Variants in XPC observed in about 807,000 individuals in gnomAD.
XPC encodes DNA repair protein complementing XP-C cells.
XPC carries 76 observed loss-of-function variants against 95.8 expected under a neutral mutation model. That is an observed-to-expected ratio of 0.79 (90% confidence interval 0.66 to 0.96). The LOEUF (loss-of-function observed/expected upper bound fraction) is 0.96, where lower values mean the gene tolerates loss of function less well. Among genes scored for constraint, XPC ranks in the 40% least tolerant of loss-of-function variants. The pLI is 0.00. For missense variants in XPC, 1,146 were observed against 1,179.8 expected (o/e 0.97, Z 0.42); for synonymous variants, 442 against 442.1 (o/e 1.00, Z 0.00).
At chr3:14,154,625 G>C (rs1695827791) in intron 10 of XPC, among the ~76,000 whole-genome samples, 1 of 152,144 alleles carries the variant, frequency 6.6e-6, no homozygotes, top group South Asian at 2.1e-4. Flanking sequence ...GAGAATGGTG[G>C]GTGCAGGGCT....
rs1695376375 is a variant in XPC at position 14,145,429 on chromosome 3, A to G, written c.*512T>C. 1.4e-6 allele frequency: 1 copy of G among 696,906 alleles called. No homozygotes were observed. The highest frequency in any genetic ancestry group is 2.6e-6 in the Non-Finnish European group (1 of 382,100). 43.2% of individuals were successfully genotyped at this position (696,906 alleles called of 1,614,324 possible). ...CCTACTGCAAAGAGGCAGTGAGGGC[A>G]GCATTAGTAAGCCTGACTCAGGGGA... On this transcript the variant is annotated 3_prime_UTR_variant, in exon 16 of 16. Transcript: ENST00000285021.
At chr3:14,165,966 G>A (rs1303130631) in intron 5 of XPC, 17 of 224,930 alleles carry the variant, frequency 7.6e-5, no homozygotes, top group Non-Finnish European at 1.0e-4. Flanking sequence ...GAGTGGAGCT[G>A]GAGAGACTGC....
chr3:14,148,313 C>T, intron 13 of XPC: 1 of 611,010 alleles, frequency 1.6e-6, no homozygotes, highest in South Asian at 2.2e-5. Flanking sequence ...GCTCACTAGC[C>T]TGTGAGTCCC....
chr3:14,173,182 G>C, intron 1 of XPC, 120 bp from the exon 2 acceptor site: 1 of 959,076 alleles, frequency 1.0e-6, no homozygotes, highest in South Asian at 2.4e-5. Context: ...TCCATCACTG[G>C]TTCACCATCC....
At chr3:14,173,212 G>A (rs1159013766) in intron 1 of XPC, 150 bp from the exon 2 acceptor site, 14 of 696,450 alleles carry the variant, frequency 2.0e-5, no homozygotes, top group African/African-American at 5.5e-5. Context: ...TCAGCAACCA[G>A]CTCTCAGCTT....
chr3:14,159,662 T>C (rs1696085812), intron 8 of XPC, 79 bp downstream of exon 8: 2 of 1,371,484 alleles, frequency 1.5e-6, no homozygotes, highest in Non-Finnish European at 2.0e-6. Context: ...TCTTAAAAAA[T>C]ATAATAATGA....
chr3:14,165,184 C>A (rs1696325878), intron 6 of XPC, among the ~76,000 whole-genome samples: 1 of 152,178 alleles, frequency 6.6e-6, no homozygotes, highest in South Asian at 2.1e-4. Flanking sequence ...CCCCAGAACA[C>A]CCCTTCCAGG....
chr3:14,147,798 G>C (rs1695501732), intron 14 of XPC, 110 bp downstream of exon 14: 1 of 967,670 alleles, frequency 1.0e-6, no homozygotes, highest in Non-Finnish European at 1.6e-6. Flanking sequence ...ATGTCAGAGA[G>C]GGCTGGGAAG....
chr3:14,178,233 G>A (rs574627196), intron 1 of XPC: 1 of 531,526 alleles, frequency 1.9e-6, no homozygotes, highest in Non-Finnish European at 3.2e-6. Context: ...CGGGAAAAAA[G>A]CTACGCAGGA....
intron 2 of XPC, 123 bp downstream of exon 2, chr3:14,172,744 G>A (rs1696660878): frequency 8.7e-7 from 1 of 1,153,986 alleles, no homozygotes; most frequent in East Asian, 2.6e-5. Context: ...GTTGTACCTA[G>A]AAGAATTTAA....
chr3:14,147,262 G>C lies in XPC; in HGVS notation c.2604+28C>G, dbSNP rs2733534. 718,338 of 1,588,642 alleles carry C rather than the reference G, an allele frequency of 0.45. 168,371 individuals are homozygous for C. The highest frequency in any genetic ancestry group is 0.48 in the Non-Finnish European group (562,594 of 1,167,102). ...TCTCCAAGAAACTGACCCTGAGCTT[G>C]TCTTCTCTGCAAAGAACCTGCACTG... On this transcript the variant is annotated intron_variant, in intron 15 of 15. Transcript: ENST00000285021.
At chr3:14,165,885 C>A (rs1696359628) in intron 5 of XPC, 1 of 314,574 alleles carries the variant, frequency 3.2e-6, no homozygotes, top group Admixed American at 4.2e-5. Flanking sequence ...GAGATACATA[C>A]TGAAAGATTT....
chr3:14,145,333 C>T lies in XPC; in HGVS notation c.*608G>A. 1.4e-6 allele frequency: 1 copy of T among 698,732 alleles called. No homozygotes were observed. The allele number at this position is 698,732 out of a possible 1,614,324, so 43.3% of individuals were successfully genotyped here. A position where few individuals can be genotyped will look rare whatever the true frequency, so the allele number is the denominator to read the frequency against. Reference sequence around the variant, plus strand: ...TTTCCTGATTTTAGCTTTTTTTAGGCTTCTGTCACCACAAAATGTTACTTG... The same window carrying T: ...TTTCCTGATTTTAGCTTTTTTTAGGTTTCTGTCACCACAAAATGTTACTTG... On this transcript the variant is annotated 3_prime_UTR_variant, in exon 16 of 16. Coordinates refer to ENST00000285021, the MANE Select transcript of XPC (RefSeq NM_004628.5).
chr3:14,164,904 T>A lies in XPC; in HGVS notation c.809A>T (p.Glu270Val). ...GTTATCTTGTTCACTGGCTGAAAGT[T>A]CTGCATTAACTGTAAATGTTCCAAT... ...WFIGTFTVNA[E>V]LSASEQDNLQ... Residue 270 changes from glutamate (E) to valine (V), a missense_variant, in exon 7 of 16, where the codon GAA (glutamate) becomes GTA (valine). Coordinates refer to ENST00000285021, the MANE Select transcript of XPC (RefSeq NM_004628.5). 1 of 1,612,828 alleles carries A rather than the reference T, an allele frequency of 6.2e-7. No homozygotes were observed. Among genetic ancestry groups the A allele is most frequent in the South Asian group, 1.1e-5 (1 of 90,800 alleles).
At chr3:14,156,195 A>G in intron 10 of XPC, 140 bp downstream of exon 10, 1 of 1,073,692 alleles carries the variant, frequency 9.3e-7, no homozygotes, top group Non-Finnish European at 1.3e-6. Flanking sequence ...CATCACACAC[A>G]CACAGCACAC....
rs751465946 is a variant in XPC, at chr3:14,145,862, C to A, written c.*79G>T. 2 of 1,526,290 alleles carry A rather than the reference C, an allele frequency of 1.3e-6. No individual in the cohort carries two copies. The highest frequency in any genetic ancestry group is 1.2e-5 in the South Asian group (1 of 84,114). 94.5% of individuals were successfully genotyped at this position (1,526,290 alleles called of 1,614,324 possible). A position where few individuals can be genotyped will look rare whatever the true frequency, so the allele number is the denominator to read the frequency against. On this transcript the variant is annotated 3_prime_UTR_variant, in exon 16 of 16. Transcript: ENST00000285021. The stretch of plus-strand genomic sequence containing the variant: ...GCAGAGAAGCCCCCACCACCAGGGG[C>A]TGGGCATGCCCAGGGCAGGTGTGGG...
At chr3:14,157,605 A>G (rs904041738) in intron 9 of XPC, among the ~76,000 whole-genome samples, 1 of 152,094 alleles carries the variant, frequency 6.6e-6, no homozygotes, top group Non-Finnish European at 1.5e-5. Flanking sequence ...TGAGTGTTCT[A>G]TGTATGAGGG....
chr3:14,161,975 C>CA (rs1184733177), intron 7 of XPC, among the ~76,000 whole-genome samples: 1 of 151,726 alleles, frequency 6.6e-6, no homozygotes, highest in Non-Finnish European at 1.5e-5. Flanking sequence ...CAAGACAACA[C>CA]AAAAAAATCA....
intron 1 of XPC, among the ~76,000 whole-genome samples, chr3:14,173,843 TC>T (rs773537434): frequency 6.6e-6 from 1 of 152,152 alleles, no homozygotes; most frequent in Non-Finnish European, 1.5e-5. Flanking sequence ...TTATCTTGAA[TC>T]TGAAATAAAT....
Sources: gnomAD v4.1 joint callset for allele counts (sites outside exome capture counted in the v4.1 genomes callset) on GRCh38, gnomAD v4.1.1 for gene constraint, MANE v1.5 for transcripts, NCBI Gene and HGNC (gene_info 2026-07-23, HGNC 2026-07-21) for gene names.